Variants in KIAA1217 observed in about 807,000 individuals in gnomAD.
The protein encoded by KIAA1217 is sickle tail protein homolog.
KIAA1217 carries 88 observed loss-of-function variants against 163.9 expected under a neutral mutation model. The observed-to-expected ratio is 0.54, with a 90% confidence interval of 0.45 to 0.64. The LOEUF (loss-of-function observed/expected upper bound fraction) is 0.64. Ranked by LOEUF, KIAA1217 falls within the 30% of genes least tolerant of loss-of-function variation. KIAA1217 has a pLI of 0.00. For missense variants in KIAA1217, 2,372 were observed against 2,475.0 expected, an observed-to-expected ratio of 0.96 and a Z score of 0.88; for synonymous variants, 903 against 923.1, an observed-to-expected ratio of 0.98 and a Z score of 0.39.
intron 1 of KIAA1217, among the ~76,000 whole-genome samples, chr10:23,889,484 TTG>T (rs1841329825): frequency 6.6e-6 from 1 of 151,900 alleles, no homozygotes. Flanking sequence ...ATTTATCAGA[TTG>T]TCTTTATATT....
At chr10:23,872,582 GTTAA>G (rs1564495325) in intron 1 of KIAA1217, among the ~76,000 whole-genome samples, 1 of 152,016 alleles carries the variant, frequency 6.6e-6, no homozygotes, top group Non-Finnish European at 1.5e-5. Flanking sequence ...CAATTAGCAA[GTTAA>G]TTAATTGTGT....
At chr10:24,141,587 C>A (rs1232193762) in intron 2 of KIAA1217, among the ~76,000 whole-genome samples, 1 of 152,140 alleles carries the variant, frequency 6.6e-6, no homozygotes, top group East Asian at 1.9e-4. Context: ...TTTGTTCTGA[C>A]CCTAAGCAGC....
intron 1 of KIAA1217, among the ~76,000 whole-genome samples, chr10:23,812,769 T>C (rs1837131593): frequency 6.6e-6 from 1 of 152,194 alleles, no homozygotes; most frequent in South Asian, 2.1e-4. Context: ...TTCTAGATAA[T>C]TTTATAGATG....
chr10:23,927,343 T>C (rs1315136797), intron 1 of KIAA1217, among the ~76,000 whole-genome samples: 1 of 151,832 alleles, frequency 6.6e-6, no homozygotes, highest in Non-Finnish European at 1.5e-5. Context: ...TGTGTGTGTG[T>C]GTGTGTGTGT....
At chr10:24,090,213 C>G (rs1051302073) in intron 2 of KIAA1217, among the ~76,000 whole-genome samples, 4 of 135,796 alleles carry the variant, frequency 2.9e-5, no homozygotes, top group Non-Finnish European at 6.1e-5. Flanking sequence ...CTTGCTCAGG[C>G]TGGAGTGCAG....
At chr10:24,179,176 C>T (rs907958648) in intron 2 of KIAA1217, among the ~76,000 whole-genome samples, 8 of 152,172 alleles carry the variant, frequency 5.3e-5, no homozygotes, top group Non-Finnish European at 1.0e-4. Flanking sequence ...AAGAGCAATA[C>T]ATTGTGTATA....
chr10:23,739,334 A>G (rs1838980614), intron 1 of KIAA1217, among the ~76,000 whole-genome samples: 1 of 152,216 alleles, frequency 6.6e-6, no homozygotes, highest in African/African-American at 2.4e-5. Flanking sequence ...TTTGACCACT[A>G]TGCAATATGA....
chr10:24,287,170 C>T (rs933660414), intron 2 of KIAA1217, among the ~76,000 whole-genome samples: 1 of 152,180 alleles, frequency 6.6e-6, no homozygotes, highest in Admixed American at 6.5e-5. Context: ...CTTGCCTCAG[C>T]CTCCCAAGTA....
At chr10:23,963,827 A>G (rs1193863519) in intron 1 of KIAA1217, among the ~76,000 whole-genome samples, 2 of 151,728 alleles carry the variant, frequency 1.3e-5, no homozygotes, top group East Asian at 1.9e-4. Flanking sequence ...ATGAGATGGT[A>G]TCTCATTGTG....
chr10:24,058,614 G>A (rs879747627), intron 2 of KIAA1217, among the ~76,000 whole-genome samples: 1 of 151,844 alleles, frequency 6.6e-6, no homozygotes, highest in Non-Finnish European at 1.5e-5. Context: ...CACCTCTTAA[G>A]TTTATTCTTA....
At chr10:24,202,472 C>A (rs1368801771) in intron 2 of KIAA1217, among the ~76,000 whole-genome samples, 1 of 152,126 alleles carries the variant, frequency 6.6e-6, no homozygotes, top group Non-Finnish European at 1.5e-5. Context: ...CCTTCTCCTG[C>A]ATCAGGGTGA....
intron 2 of KIAA1217, among the ~76,000 whole-genome samples, chr10:24,299,290 C>T (rs1342982618): frequency 1.3e-5 from 2 of 152,212 alleles, no homozygotes; most frequent in Non-Finnish European, 2.9e-5. Flanking sequence ...TTGAATCACT[C>T]TCTTCCTCTA....
rs571989909 is a variant in KIAA1217 at position 24,452,440 on chromosome 10, G to A, written c.846+13961G>A. Reference sequence around the variant, plus strand: ...TGTATTTCCAGCACTTTGGGAGGCCGAGGCGGGCGGATCATGAGGTCAGGA... The same window carrying A: ...TGTATTTCCAGCACTTTGGGAGGCCAAGGCGGGCGGATCATGAGGTCAGGA... On this transcript the variant is annotated intron_variant, in intron 5 of 20. Coordinates refer to ENST00000376454, the MANE Select transcript of KIAA1217 (RefSeq NM_019590.5). Among the ~76,000 whole-genome samples the A allele has an allele frequency of 1.6e-3, 237 of 151,820 alleles. 1 individual carries two copies. Among genetic ancestry groups the A allele is most frequent in the Non-Finnish European group, 9.3e-4 (63 of 67,944 alleles).
chr10:24,147,832 C>CAAAAA (rs1176106711), intron 2 of KIAA1217, among the ~76,000 whole-genome samples: 329 of 20,548 alleles, frequency 0.016, 2 homozygotes, highest in Middle Eastern at 0.042. Context: ...TACTCTGTCT[C>CAAAAA]AAAAAAAAAA....
At chr10:23,838,616 A>G (rs933202823) in intron 1 of KIAA1217, among the ~76,000 whole-genome samples, 1 of 152,118 alleles carries the variant, frequency 6.6e-6, no homozygotes, top group Non-Finnish European at 1.5e-5. Flanking sequence ...GCCCACCTCC[A>G]TGCCTGGCTA....
At position 23,900,074 on chromosome 10, in the gene KIAA1217, T is replaced by C. The variant is rs546828907; in HGVS notation, c.-320-107151T>C. 1.1e-4 allele frequency among the ~76,000 whole-genome samples: 17 copies of C among 151,966 alleles called. No homozygotes were observed. In the South Asian group the frequency reaches 3.5e-3, roughly 32 times the overall value. On this transcript the variant is annotated intron_variant, in intron 1 of 18. Coordinates refer to the KIAA1217 transcript ENST00000376462. ...CAGACTGGAGTGCAGTGGTGTGATC[T>C]TGGCTTACTGCAACCTCCCCTCATG...
chr10:23,717,808 A>T (rs1373162172), intron 1 of KIAA1217, among the ~76,000 whole-genome samples: 1 of 152,168 alleles, frequency 6.6e-6, no homozygotes, highest in Non-Finnish European at 1.5e-5. Flanking sequence ...AAAAACTATC[A>T]GTGACATCAT....
intron 1 of KIAA1217, among the ~76,000 whole-genome samples, chr10:23,921,342 C>T (rs1842841758): frequency 6.6e-6 from 1 of 152,116 alleles, no homozygotes; most frequent in African/African-American, 2.4e-5. Flanking sequence ...CATTGAAGTC[C>T]TATTTTCTGA....
intron 2 of KIAA1217, among the ~76,000 whole-genome samples, chr10:24,146,389 A>G (rs762204264): frequency 3.3e-5 from 5 of 152,248 alleles, no homozygotes; most frequent in Non-Finnish European, 7.3e-5. Context: ...CAGGCACCAG[A>G]GCCATCAATT....
Sources: gnomAD v4.1 joint callset for allele counts (sites outside exome capture counted in the v4.1 genomes callset) on GRCh38, gnomAD v4.1.1 for gene constraint, MANE v1.5 for transcripts, NCBI Gene and HGNC (gene_info 2026-07-23, HGNC 2026-07-21) for gene names.